The following RIN3 variants were observed in gnomAD, a reference collection of about 807,000 sequenced individuals.
RIN3 encodes RAB5 interacting protein 3.
RIN3 carries 54 observed loss-of-function variants against 76.3 expected under a neutral mutation model. That is an observed-to-expected ratio of 0.71 (90% CI 0.57 to 0.89). The LOEUF is 0.89. Ranked by LOEUF, RIN3 falls within the 40% of genes least tolerant of loss-of-function variation. The probability of loss-of-function intolerance (pLI) is 0.00; values close to 1 mark genes in which losing one functional copy is unlikely to be tolerated. For synonymous variants in RIN3, 576 were observed against 564.0 expected (o/e 1.02, Z -0.30); for missense variants, 1,256 against 1,322.1 (o/e 0.95, Z 0.78).
At chr14:92,672,534 C>G (rs1015683548) in intron 7 of RIN3, among the ~76,000 whole-genome samples, 1 of 152,198 alleles carries the variant, frequency 6.6e-6, no homozygotes. Flanking sequence ...ACCTCCTGGT[C>G]GGCTGAATGT....
intron 3 of RIN3, among the ~76,000 whole-genome samples, chr14:92,591,576 A>C (rs963295282): frequency 1.3e-5 from 2 of 152,240 alleles, no homozygotes; most frequent in African/African-American, 2.4e-5. Context: ...AAGTCTTGAA[A>C]AAAAGCCAGA....
At chr14:92,651,510 AG>A in intron 5 of RIN3, 71 bp from the exon 6 acceptor site, 15 of 493,368 alleles carry the variant, frequency 3.0e-5, no homozygotes, top group Non-Finnish European at 4.5e-5. Flanking sequence ...CCCCGCCCAC[AG>A]ACCCCGCCCA....
At chr14:92,661,758 C>CACACAAAAA (rs373869994) in intron 7 of RIN3, among the ~76,000 whole-genome samples, 1 of 133,240 alleles carries the variant, frequency 7.5e-6, no homozygotes, top group Non-Finnish European at 1.5e-5. Flanking sequence ...CACACACACA[C>CACACAAAAA]AAAAAATAGA....
chr14:92,653,359 G>A (rs1887545681), intron 6 of RIN3, among the ~76,000 whole-genome samples: 1 of 152,176 alleles, frequency 6.6e-6, no homozygotes, highest in Non-Finnish European at 1.5e-5. Flanking sequence ...CCTGCCATGG[G>A]GGACAAAGAC....
chr14:92,590,825 C>A (rs1305813321), intron 3 of RIN3, among the ~76,000 whole-genome samples: 2 of 152,092 alleles, frequency 1.3e-5, no homozygotes, highest in Non-Finnish European at 2.9e-5. Context: ...CTGAGACTTA[C>A]CCATAGGATT....
chr14:92,604,770 T>C (rs1885464711), intron 3 of RIN3, among the ~76,000 whole-genome samples: 1 of 152,154 alleles, frequency 6.6e-6, no homozygotes, highest in Non-Finnish European at 1.5e-5. Flanking sequence ...CAAAAGAGAA[T>C]GAGCTGATTA....
At chr14:92,571,196 C>T (rs1456078456) in intron 2 of RIN3, among the ~76,000 whole-genome samples, 1 of 152,218 alleles carries the variant, frequency 6.6e-6, no homozygotes, top group Non-Finnish European at 1.5e-5. Context: ...ATAAATCTTC[C>T]ACTACATGGC....
At chr14:92,686,169 T>A (rs1595512208) in intron 9 of RIN3, 1 of 152,306 alleles carries the variant, frequency 6.6e-6, no homozygotes, top group African/African-American at 2.4e-5. Context: ...CTCCTGGCTT[T>A]CAAGATGGTG....
intron 2 of RIN3, among the ~76,000 whole-genome samples, chr14:92,564,384 T>G (rs1017789389): frequency 6.6e-6 from 1 of 152,206 alleles, no homozygotes. Flanking sequence ...TACCATTTCC[T>G]GGATTGCGTT....
At chr14:92,658,035 C>T (rs1219601704) in intron 6 of RIN3, among the ~76,000 whole-genome samples, 1 of 152,204 alleles carries the variant, frequency 6.6e-6, no homozygotes, top group African/African-American at 2.4e-5. Flanking sequence ...GCCAAAACAA[C>T]TTCCTAAGAA....
intron 2 of RIN3, chr14:92,576,153 C>CA: frequency 8.7e-7 from 1 of 1,144,314 alleles, no homozygotes; most frequent in Middle Eastern, 4.0e-4. Context: ...GAAGCTGTGC[C>CA]ACAGGAGGCT....
At chr14:92,553,706 G>A (rs952935657) in intron 1 of RIN3, among the ~76,000 whole-genome samples, 2 of 152,060 alleles carry the variant, frequency 1.3e-5, no homozygotes, top group South Asian at 2.1e-4. Flanking sequence ...AGGGCCCCCC[G>A]GAGGATGTGG....
In RIN3 at chr14:92,513,833, A is replaced by C. The variant is rs2139982290; in HGVS notation, c.-100A>C. The C allele has an allele frequency of 3.8e-6, 3 of 788,142 alleles. No individual in the cohort carries two copies. The allele number at this position is 788,142 out of a possible 1,614,324, so 48.8% of individuals were successfully genotyped here. On this transcript the variant is annotated 5_prime_UTR_variant, in exon 1 of 10. Coordinates refer to ENST00000216487, the MANE Select transcript of RIN3 (RefSeq NM_024832.5). ...GCGGCAGCGGCGGCCTGGCCCTTCC[A>C]GAGGGCCAGAGCCAGGGACATGCGG...
chr14:92,560,893 G>A (rs1188026841), intron 2 of RIN3, among the ~76,000 whole-genome samples: 5 of 149,564 alleles, frequency 3.3e-5, no homozygotes, highest in African/African-American at 9.9e-5. Flanking sequence ...GGTGGTGGGC[G>A]CCTGTAATCC....
chr14:92,524,503 C>G lies in RIN3; in HGVS notation c.44+10527C>G, dbSNP rs548901213. ...CTGTTCTGAGCCTGTAAGAGCCTGC[C>G]TGGAGCTGCTCAACAACAGCCTAAG... is the stretch of plus-strand genomic sequence containing the variant. On this transcript the variant is annotated intron_variant, in intron 1 of 9. Coordinates refer to ENST00000216487, the MANE Select transcript of RIN3 (RefSeq NM_024832.5). 1.5e-3 allele frequency among the ~76,000 whole-genome samples: 231 copies of G among 152,336 alleles called. 2 individuals carry two copies. The highest frequency in any genetic ancestry group is 5.2e-3 in the African/African-American group (217 of 41,578).
At chr14:92,646,906 T>G (rs1595480634) in intron 5 of RIN3, among the ~76,000 whole-genome samples, 1 of 152,378 alleles carries the variant, frequency 6.6e-6, no homozygotes. Context: ...CTTCTGATTT[T>G]GTGCGAATAT....
intron 1 of RIN3, among the ~76,000 whole-genome samples, chr14:92,540,619 C>T (rs1897111728): frequency 6.6e-6 from 1 of 152,198 alleles, no homozygotes; most frequent in Non-Finnish European, 1.5e-5. Context: ...TTTCTGTATG[C>T]ACCAAAGCCT....
chr14:92,653,458 G>A (rs1444502162), intron 6 of RIN3, among the ~76,000 whole-genome samples: 1 of 152,120 alleles, frequency 6.6e-6, no homozygotes, highest in Non-Finnish European at 1.5e-5. Flanking sequence ...GTTCATCCTT[G>A]CTCAAGCTCG....
chr14:92,571,833 A>G (rs1436673332), intron 2 of RIN3, among the ~76,000 whole-genome samples: 1 of 152,218 alleles, frequency 6.6e-6, no homozygotes, highest in Non-Finnish European at 1.5e-5. Flanking sequence ...TGGAAAAGGC[A>G]CATAGGGCGA....
Sources: allele counts gnomAD v4.1 joint callset (sites outside exome capture counted in the v4.1 genomes callset), GRCh38; gene constraint gnomAD v4.1.1; transcripts MANE v1.5; gene names NCBI Gene and HGNC (gene_info 2026-07-23, HGNC 2026-07-21).